UBAC2: variants seen among roughly 807,000 people sequenced by gnomAD.
UBAC2 encodes the protein ubiquitin-associated domain-containing protein 2.
Under a neutral mutation model 44.0 loss-of-function variants are expected in UBAC2, and 26 were observed. That is an observed-to-expected ratio of 0.59 (90% CI 0.43 to 0.82). UBAC2 has a LOEUF of 0.82. UBAC2 is among the 40% of genes least tolerant of loss of function. The pLI is 0.00. For missense variants in UBAC2, 329 were observed against 419.4 expected, an observed-to-expected ratio of 0.78 and a Z score of 1.88; for synonymous variants, 155 against 154.3, an observed-to-expected ratio of 1.00 and a Z score of -0.04.
intron 4 of UBAC2, among the ~76,000 whole-genome samples, chr13:99,303,945 C>T (rs2138738932): frequency 6.6e-6 from 1 of 152,308 alleles, no homozygotes; most frequent in Admixed American, 6.5e-5. Flanking sequence ...GTCCCTGTGC[C>T]TCAGCCTTGT....
At chr13:99,245,266 A>G (rs940065569) in intron 4 of UBAC2, among the ~76,000 whole-genome samples, 9 of 152,248 alleles carry the variant, frequency 5.9e-5, no homozygotes, top group Non-Finnish European at 1.0e-4. Flanking sequence ...ACTAAACACA[A>G]AAATATAGTT....
chr13:99,262,868 T>C (rs1159809770), intron 4 of UBAC2, among the ~76,000 whole-genome samples: 1 of 152,190 alleles, frequency 6.6e-6, no homozygotes, highest in Non-Finnish European at 1.5e-5. Flanking sequence ...AACATGTATC[T>C]ATAAGGTTGA....
At chr13:99,378,189 G>A (rs1237419014) in intron 8 of UBAC2, among the ~76,000 whole-genome samples, 1 of 152,152 alleles carries the variant, frequency 6.6e-6, no homozygotes, top group African/African-American at 2.4e-5. Flanking sequence ...ATTTCACCAT[G>A]GGTCAGTTAA....
rs1193259294 is a variant in UBAC2, at chr13:99,295,309, T to C, written c.390-18788T>C. On this transcript the variant is annotated intron_variant, in intron 4 of 8. Coordinates refer to ENST00000403766, the MANE Select transcript of UBAC2 (RefSeq NM_001144072.2). The surrounding 1 kb of genome is among the most constrained non-coding windows in gnomAD (Gnocchi z 4.1). ...TCTGGAACGAATGTCTTTGGCTACA[T>C]TCCAGGAAATTAGAGAAACGAAGCT... is the stretch of plus-strand genomic sequence containing the variant. 6.2e-7 allele frequency: 1 copy of C among 1,614,144 alleles called. No individual in the cohort carries two copies. The highest frequency in any genetic ancestry group is 1.1e-5 in the South Asian group (1 of 91,082).
In UBAC2 at chr13:99,295,268, G is replaced by A; in HGVS notation, c.390-18829G>A. The A allele has an allele frequency of 6.2e-7, 1 of 1,614,156 alleles. No homozygotes were observed. The highest frequency in any genetic ancestry group is 8.5e-7 in the Non-Finnish European group (1 of 1,180,004). ...GCAATTGAAGTTCATCAGGCATACT[G>A]TAAAGTGCAGAGAAATCTGGAACGA... On this transcript the variant is annotated intron_variant, in intron 4 of 8. Coordinates refer to ENST00000403766, the MANE Select transcript of UBAC2 (RefSeq NM_001144072.2). This position sits in a 1 kb window ranked among gnomAD's most constrained non-coding sequence, Gnocchi z 4.1.
intron 7 of UBAC2, among the ~76,000 whole-genome samples, chr13:99,358,247 T>C (rs549637786): frequency 5.3e-4 from 81 of 152,344 alleles, no homozygotes; most frequent in Non-Finnish European, 9.4e-4. Context: ...CAGGGATGCA[T>C]TGAGTAGCAT....
At chr13:99,243,299 A>G (rs1256782658) in intron 2 of UBAC2, among the ~76,000 whole-genome samples, 1 of 139,962 alleles carries the variant, frequency 7.1e-6, no homozygotes, top group Non-Finnish European at 1.5e-5. Flanking sequence ...AAGTTGGGTG[A>G]AACAATGATT....
chr13:99,305,632 A>T (rs1232000683), intron 4 of UBAC2, among the ~76,000 whole-genome samples: 1 of 152,244 alleles, frequency 6.6e-6, no homozygotes, highest in Non-Finnish European at 1.5e-5. Flanking sequence ...TATTTATTCC[A>T]TTAACTGACT....
At chr13:99,281,397 G>A (rs1279752453) in intron 4 of UBAC2, among the ~76,000 whole-genome samples, 1 of 151,876 alleles carries the variant, frequency 6.6e-6, no homozygotes, top group Non-Finnish European at 1.5e-5. Flanking sequence ...CAACCAAAAA[G>A]TTCTCACACT....
intron 4 of UBAC2, among the ~76,000 whole-genome samples, chr13:99,247,596 G>A (rs1210909656): frequency 2.0e-5 from 3 of 152,068 alleles, no homozygotes; most frequent in Non-Finnish European, 2.9e-5. Flanking sequence ...TGGGTAAGGG[G>A]CAAGGGGAGG....
chr13:99,205,631 G>A (rs2042861186), intron 1 of UBAC2: 1 of 154,212 alleles, frequency 6.5e-6, no homozygotes, highest in Non-Finnish European at 1.4e-5. Flanking sequence ...ATGGAGGCAG[G>A]AGGGCAGCCA....
At chr13:99,305,859 A>G (rs1485070183) in intron 4 of UBAC2, among the ~76,000 whole-genome samples, 1 of 152,112 alleles carries the variant, frequency 6.6e-6, no homozygotes, top group Non-Finnish European at 1.5e-5. Flanking sequence ...GCACAGTTAG[A>G]TGTGTGATCA....
At chr13:99,297,704 G>A (rs766123220) in intron 4 of UBAC2, among the ~76,000 whole-genome samples, 11 of 151,846 alleles carry the variant, frequency 7.2e-5, no homozygotes, top group Non-Finnish European at 8.8e-5. Context: ...AAAAAACAAA[G>A]AATGAGGATG....
At chr13:99,303,609 G>A (rs927580821) in intron 4 of UBAC2, among the ~76,000 whole-genome samples, 1 of 152,188 alleles carries the variant, frequency 6.6e-6, no homozygotes, top group African/African-American at 2.4e-5. Context: ...TTTGTAGGAT[G>A]CAGCATGTGG....
chr13:99,241,171 C>A (rs780451316), intron 2 of UBAC2, among the ~76,000 whole-genome samples: 11 of 149,734 alleles, frequency 7.3e-5, no homozygotes, highest in Non-Finnish European at 1.5e-4. Flanking sequence ...GGCTGAGCTG[C>A]GAGTATTGAT....
rs118173657 is a variant in UBAC2, at chr13:99,343,466, C to T, written c.807+2901C>T. 5.1e-4 allele frequency among the ~76,000 whole-genome samples: 77 copies of T among 152,334 alleles called. No homozygotes were observed. The East Asian group carries it at 0.013, about 25-fold the overall frequency. On this transcript the variant is annotated intron_variant, in intron 7 of 8. Transcript: ENST00000403766. Reference sequence around the variant, plus strand: ...GACCCAAACCCCTGCCCTGCTGGAGCGTGCATTCCCACCAGGCGCCTGTGA... The same window carrying T: ...GACCCAAACCCCTGCCCTGCTGGAGTGTGCATTCCCACCAGGCGCCTGTGA...
chr13:99,295,981 G>A lies in UBAC2; in HGVS notation c.390-18116G>A. ...TGATTTTTTTCCTGTTTTGAACAAT[G>A]ACGACCAAGGCTAGTAAGTTTCCCA... On this transcript the variant is annotated intron_variant, in intron 4 of 8. Transcript: ENST00000403766. The surrounding 1 kb of genome is among the most constrained non-coding windows in gnomAD (Gnocchi z 4.1). 1 of 1,608,788 alleles carries A rather than the reference G, an allele frequency of 6.2e-7. No individual in the cohort carries two copies. The highest frequency in any genetic ancestry group is 1.3e-5 in the African/African-American group (1 of 74,812).
At chr13:99,255,142 C>G in intron 4 of UBAC2, 1 of 1,614,132 alleles carries the variant, frequency 6.2e-7, no homozygotes, top group Non-Finnish European at 8.5e-7. Flanking sequence ...GGGCATAAAG[C>G]AGACGAGCAC....
chr13:99,316,385 A>C (rs1205133199), intron 5 of UBAC2, among the ~76,000 whole-genome samples: 2 of 152,110 alleles, frequency 1.3e-5, no homozygotes, highest in Non-Finnish European at 2.9e-5. Context: ...TCCCCACTAC[A>C]ACCAGGGACA....
Sources: gnomAD v4.1 joint callset for allele counts (sites outside exome capture counted in the v4.1 genomes callset) on GRCh38, gnomAD v4.1.1 for gene constraint, Gnocchi (gnomAD v3.1) non-coding constraint, MANE v1.5 for transcripts, NCBI Gene and HGNC (gene_info 2026-07-23, HGNC 2026-07-21) for gene names.